Variants in FBXL7 observed in about 807,000 individuals in gnomAD.
The protein encoded by FBXL7 is F-box and leucine rich repeat protein 7.
FBXL7 carries 12 observed loss-of-function variants against 38.3 expected under a neutral mutation model. The observed-to-expected ratio is 0.31, with a 90% confidence interval of 0.20 to 0.51. The LOEUF is 0.51. Ranked by LOEUF, FBXL7 falls within the 20% of genes least tolerant of loss-of-function variation. The pLI, the probability that FBXL7 is intolerant of heterozygous loss-of-function variation, is 0.98. For synonymous variants in FBXL7, 297 were observed against 300.9 expected, an observed-to-expected ratio of 0.99 and a Z score of 0.13; for missense variants, 567 against 676.4, an observed-to-expected ratio of 0.84 and a Z score of 1.79.
intron 2 of FBXL7, among the ~76,000 whole-genome samples, chr5:15,872,310 A>G (rs1367522847): frequency 6.6e-6 from 1 of 152,218 alleles, no homozygotes; most frequent in Non-Finnish European, 1.5e-5. Context: ...GGTACCAGCC[A>G]TTGCAAAAAC....
chr5:15,900,026 T>C (rs891741360), intron 2 of FBXL7, among the ~76,000 whole-genome samples: 2 of 152,254 alleles, frequency 1.3e-5, no homozygotes, highest in Non-Finnish European at 1.5e-5. Flanking sequence ...CACACTATGA[T>C]CCAACTCAGG....
chr5:15,571,086 T>A (rs1396694688), intron 1 of FBXL7, among the ~76,000 whole-genome samples: 6 of 135,478 alleles, frequency 4.4e-5, no homozygotes, highest in Non-Finnish European at 6.3e-5. Context: ...AGCAAGATTC[T>A]GTCTTTAAAA....
intron 2 of FBXL7, among the ~76,000 whole-genome samples, chr5:15,891,379 T>A (rs929137628): frequency 6.6e-6 from 1 of 152,218 alleles, no homozygotes; most frequent in African/African-American, 2.4e-5. Flanking sequence ...TCACTGCCCT[T>A]ACCATTTAAA....
chr5:15,576,272 C>A (rs1051217924), intron 1 of FBXL7, among the ~76,000 whole-genome samples: 2 of 151,338 alleles, frequency 1.3e-5, no homozygotes, highest in Non-Finnish European at 3.0e-5. Context: ...TTAGTAGAGG[C>A]GGGGTTTCTC....
chr5:15,592,277 A>G (rs963346249), intron 1 of FBXL7, among the ~76,000 whole-genome samples: 1 of 152,138 alleles, frequency 6.6e-6, no homozygotes, highest in African/African-American at 2.4e-5. Context: ...TTGATAGGTC[A>G]TCTGTTTAAC....
At chr5:15,762,753 T>C (rs1236633950) in intron 2 of FBXL7, among the ~76,000 whole-genome samples, 1 of 152,206 alleles carries the variant, frequency 6.6e-6, no homozygotes, top group Non-Finnish European at 1.5e-5. Context: ...CTGAAAGGCT[T>C]ATAAACTTGT....
chr5:15,780,307 C>T (rs1736960460), intron 2 of FBXL7, among the ~76,000 whole-genome samples: 1 of 151,838 alleles, frequency 6.6e-6, no homozygotes, highest in African/African-American at 2.4e-5. Flanking sequence ...TGGAAGGAAC[C>T]CCAGGTAGCA....
At chr5:15,683,984 A>G (rs1579375829) in intron 2 of FBXL7, among the ~76,000 whole-genome samples, 1 of 152,134 alleles carries the variant, frequency 6.6e-6, no homozygotes, top group African/African-American at 2.4e-5. Flanking sequence ...AATCATACAA[A>G]GGCCTTTTAA....
chr5:15,500,560 T>C lies in FBXL7; in HGVS notation c.-117T>C, dbSNP rs910955028. ...CCAGGCCGGAGGTCGGCCCCGGAGC[T>C]TGGGGGGGATGTGCAGCTAACGGTC... is the stretch of plus-strand genomic sequence containing the variant. On this transcript the variant is annotated 5_prime_UTR_variant, in exon 1 of 4. Coordinates refer to ENST00000504595, the MANE Select transcript of FBXL7 (RefSeq NM_012304.5). 4.9e-6 allele frequency: 7 copies of C among 1,429,132 alleles called. No homozygotes were observed. Among genetic ancestry groups the C allele is most frequent in the Admixed American group, 1.7e-5 (1 of 59,670 alleles). 88.5% of individuals were successfully genotyped at this position (1,429,132 alleles called of 1,614,324 possible).
rs2126473335 is a variant in FBXL7 at position 15,936,170 on chromosome 5, G to T, written c.740-280G>T. Among the ~76,000 whole-genome samples, 1 of 152,334 alleles carries T rather than the reference G, an allele frequency of 6.6e-6. No individual in the cohort carries two copies. Among genetic ancestry groups the T allele is most frequent in the East Asian group, 1.9e-4 (1 of 5,172 alleles). Reference sequence around the variant, plus strand: ...ACTCAGAAGGATTGATTTGCTAAATGTCAGGCAAGTAGGGACAGATGACAG... The same window carrying T: ...ACTCAGAAGGATTGATTTGCTAAATTTCAGGCAAGTAGGGACAGATGACAG... On this transcript the variant is annotated intron_variant, in intron 3 of 3. Coordinates refer to ENST00000504595, the MANE Select transcript of FBXL7 (RefSeq NM_012304.5). This position sits in a 1 kb window ranked among gnomAD's most constrained non-coding sequence, Gnocchi z 6.0.
At chr5:15,692,555 C>A (rs1743215962) in intron 2 of FBXL7, among the ~76,000 whole-genome samples, 1 of 152,124 alleles carries the variant, frequency 6.6e-6, no homozygotes, top group African/African-American at 2.4e-5. Flanking sequence ...ACTGGAAAAG[C>A]CAGTAAACTT....
At position 15,937,133 on chromosome 5, in the gene FBXL7, A is replaced by G. The variant is rs1478758357; in HGVS notation, c.1423A>G (p.Lys475Glu). 1 of 1,610,646 alleles carries G rather than the reference A, an allele frequency of 6.2e-7. No homozygotes were observed. The highest frequency in any genetic ancestry group is 1.3e-5 in the African/African-American group (1 of 74,896). Reference sequence around the variant, plus strand: ...CTCCGTGGAGGCCCTGCGCTTTGTCAAACGCCACTGCAAGCGCTGCGTCAT... The same window carrying G: ...CTCCGTGGAGGCCCTGCGCTTTGTCGAACGCCACTGCAAGCGCTGCGTCAT... The part of the protein sequence containing the change: ...EVSVEALRFV[K>E]RHCKRCVIEH... The change falls in exon 4 of 4, where the codon AAA becomes GAA. Residue 475 changes from lysine (K) to glutamate (E), a missense_variant. By Grantham distance (56) the Lys-to-Glu change is moderately conservative. Transcript: ENST00000504595.
At chr5:15,885,417 C>T (rs999808385) in intron 2 of FBXL7, among the ~76,000 whole-genome samples, 2 of 152,168 alleles carry the variant, frequency 1.3e-5, no homozygotes, top group African/African-American at 4.8e-5. Context: ...TAGAGACACA[C>T]CACTGCATCC....
chr5:15,586,233 C>T (rs1275632654), intron 1 of FBXL7, among the ~76,000 whole-genome samples: 2 of 151,368 alleles, frequency 1.3e-5, no homozygotes, highest in Non-Finnish European at 2.9e-5. Flanking sequence ...TCTTAACTCC[C>T]TCCCTTTTAA....
chr5:15,697,832 G>A (rs1178927416), intron 2 of FBXL7, among the ~76,000 whole-genome samples: 1 of 152,162 alleles, frequency 6.6e-6, no homozygotes, highest in Non-Finnish European at 1.5e-5. Flanking sequence ...TAATGCCAAT[G>A]CTATTTTGAA....
intron 2 of FBXL7, among the ~76,000 whole-genome samples, chr5:15,719,124 A>T (rs1209046865): frequency 1.3e-5 from 2 of 152,210 alleles, no homozygotes; most frequent in African/African-American, 4.8e-5. Flanking sequence ...TCCAGGGGAT[A>T]GCAAAAGGTT....
chr5:15,819,909 G>C (rs531008216), intron 2 of FBXL7, among the ~76,000 whole-genome samples: 2 of 152,278 alleles, frequency 1.3e-5, no homozygotes, highest in South Asian at 4.1e-4. Flanking sequence ...ATCTTCAGTG[G>C]TAGAATACAG....
At chr5:15,523,781 C>A (rs1023239578) in intron 1 of FBXL7, among the ~76,000 whole-genome samples, 1 of 152,192 alleles carries the variant, frequency 6.6e-6, no homozygotes, top group Non-Finnish European at 1.5e-5. Context: ...ACGTAGACAT[C>A]ATTTCCACTC....
intron 2 of FBXL7, among the ~76,000 whole-genome samples, chr5:15,651,104 T>A (rs1467514485): frequency 1.3e-5 from 2 of 150,664 alleles, no homozygotes; most frequent in African/African-American, 4.9e-5. Context: ...TTTTTTCTTT[T>A]TTTTTTTTTT....
Sources: gnomAD v4.1 joint callset for allele counts (sites outside exome capture counted in the v4.1 genomes callset) on GRCh38, gnomAD v4.1.1 for gene constraint, Gnocchi (gnomAD v3.1) non-coding constraint, MANE v1.5 for transcripts, NCBI Gene and HGNC (gene_info 2026-07-23, HGNC 2026-07-21) for gene names.